CSMD1: variants seen among roughly 807,000 people sequenced by gnomAD.
CSMD1 encodes the protein CUB and Sushi multiple domains 1.
Under a neutral mutation model 417.5 loss-of-function variants are expected in CSMD1, and 213 were observed. The observed-to-expected ratio is 0.51, with a 90% CI of 0.46 to 0.57. CSMD1 has a LOEUF of 0.57. CSMD1 is among the 20% of genes least tolerant of loss of function. The probability of loss-of-function intolerance (pLI) is 0.00; values close to 1 mark genes in which losing one functional copy is unlikely to be tolerated. For synonymous variants in CSMD1, 2,862 were observed against 1,736.8 expected (o/e 1.65, Z -16.11); for missense variants, 6,923 against 4,529.7 (o/e 1.53, Z -15.17).
intron 28 of CSMD1, among the ~76,000 whole-genome samples, chr8:3,221,049 G>A (rs1798181187): frequency 7.0e-6 from 1 of 142,188 alleles, no homozygotes; most frequent in South Asian, 2.2e-4. Flanking sequence ...TGTTTGTTTT[G>A]TAATCACTAA....
chr8:3,524,733 T>C (rs1444814459), intron 10 of CSMD1, among the ~76,000 whole-genome samples: 1 of 144,794 alleles, frequency 6.9e-6, no homozygotes, highest in Non-Finnish European at 1.5e-5. Flanking sequence ...CACACACACA[T>C]GCACACCGAG....
chr8:3,771,150 C>G (rs2129058920), intron 5 of CSMD1, among the ~76,000 whole-genome samples: 1 of 152,202 alleles, frequency 6.6e-6, no homozygotes, highest in South Asian at 2.1e-4. Context: ...AACATTTCAA[C>G]ACACTGGAAT....
intron 1 of CSMD1, among the ~76,000 whole-genome samples, chr8:4,682,353 G>C (rs532454471): frequency 6.6e-6 from 1 of 152,178 alleles, no homozygotes; most frequent in Non-Finnish European, 1.5e-5. Context: ...TTTTTGATTA[G>C]TCAGAATGCT....
At chr8:3,819,033 C>T (rs890192311) in intron 5 of CSMD1, among the ~76,000 whole-genome samples, 1 of 152,118 alleles carries the variant, frequency 6.6e-6, no homozygotes, top group African/African-American at 2.4e-5. Flanking sequence ...TCCAGATTGA[C>T]GGTAAAACAT....
chr8:3,925,949 T>C (rs2627403), intron 5 of CSMD1, among the ~76,000 whole-genome samples: 116,270 of 150,416 alleles, frequency 0.77, 45,048 homozygotes, highest in Admixed American at 0.83. Flanking sequence ...CAGTAAAGGC[T>C]TTTCCTTATA....
chr8:3,395,676 T>C (rs1447096041), intron 17 of CSMD1, among the ~76,000 whole-genome samples: 1 of 152,194 alleles, frequency 6.6e-6, no homozygotes, highest in Non-Finnish European at 1.5e-5. Context: ...CTGTTAACAA[T>C]TGTTTGGAAT....
chr8:4,689,097 T>C (rs996202635), intron 1 of CSMD1, among the ~76,000 whole-genome samples: 1 of 152,198 alleles, frequency 6.6e-6, no homozygotes, highest in African/African-American at 2.4e-5. Context: ...TATTGATAAA[T>C]TTGTTCTCAA....
intron 21 of CSMD1, among the ~76,000 whole-genome samples, chr8:3,348,920 G>C (rs889726707): frequency 6.6e-6 from 1 of 152,164 alleles, no homozygotes; most frequent in Non-Finnish European, 1.5e-5. Flanking sequence ...TTTAGGTCAA[G>C]AATGCTTTCA....
intron 5 of CSMD1, among the ~76,000 whole-genome samples, chr8:3,830,865 T>C (rs1475848054): frequency 6.6e-6 from 1 of 152,194 alleles, no homozygotes; most frequent in East Asian, 1.9e-4. Flanking sequence ...CAGTTTTAAG[T>C]GTGTCTTCAT....
chr8:4,166,363 G>GT (rs1485013125), intron 3 of CSMD1, among the ~76,000 whole-genome samples: 1 of 152,148 alleles, frequency 6.6e-6, no homozygotes, highest in Non-Finnish European at 1.5e-5. Context: ...TACAGCACAT[G>GT]TTATTTGGAT....
chr8:4,747,719 T>G (rs185847221), intron 1 of CSMD1, among the ~76,000 whole-genome samples: 1 of 152,288 alleles, frequency 6.6e-6, no homozygotes, highest in Non-Finnish European at 1.5e-5. Context: ...GGTCTCTAGA[T>G]GAATGAGATG....
chr8:4,378,856 A>C (rs1275593699), intron 3 of CSMD1, among the ~76,000 whole-genome samples: 2 of 152,154 alleles, frequency 1.3e-5, no homozygotes, highest in East Asian at 3.9e-4. Flanking sequence ...ATAATCTATG[A>C]AACAGAGAGT....
At chr8:4,720,731 T>C (rs1043096580) in intron 1 of CSMD1, among the ~76,000 whole-genome samples, 3 of 152,184 alleles carry the variant, frequency 2.0e-5, no homozygotes, top group Non-Finnish European at 4.4e-5. Flanking sequence ...TAAATAATTT[T>C]CTTATTTGGA....
chr8:3,219,427 G>C lies in CSMD1; in HGVS notation c.4500C>G (p.Pro1500=), dbSNP rs1359146691. The part of the protein sequence containing the change: ...ALIFKSFNME[P]SYDFLHIYEG... ...CATAGATGTGTAGGAAGTCATAGCT[G>C]GGCTCCATGTTGAAACTAAAGAAAA... Residue 1500 remains proline, a synonymous_variant, in exon 29 of 70, where the codon CCC becomes CCG. Coordinates refer to ENST00000635120, the MANE Select transcript of CSMD1 (RefSeq NM_033225.6). 6.6e-7 allele frequency: 1 copy of C among 1,503,866 alleles called. No individual in the cohort carries two copies. Among genetic ancestry groups the C allele is most frequent in the Non-Finnish European group, 8.9e-7 (1 of 1,126,574 alleles). 93.2% of individuals were successfully genotyped at this position (1,503,866 alleles called of 1,614,324 possible).
intron 52 of CSMD1, among the ~76,000 whole-genome samples, chr8:3,017,074 A>G (rs1480557677): frequency 2.0e-5 from 3 of 152,250 alleles, no homozygotes; most frequent in African/African-American, 7.2e-5. Flanking sequence ...TAATGACCAA[A>G]AGGATGAGAT....
At chr8:3,410,297 A>G (rs1812604157) in intron 12 of CSMD1, among the ~76,000 whole-genome samples, 1 of 152,188 alleles carries the variant, frequency 6.6e-6, no homozygotes, top group Non-Finnish European at 1.5e-5. Flanking sequence ...ACTGTGTGTC[A>G]GGTCCTGTTC....
chr8:3,148,273 T>C (rs888992123), intron 40 of CSMD1, among the ~76,000 whole-genome samples: 2 of 152,238 alleles, frequency 1.3e-5, no homozygotes, highest in East Asian at 3.9e-4. Flanking sequence ...TAAGTGCAGA[T>C]GTCTGAGCTT....
At chr8:4,428,963 C>T (rs1797716317) in intron 2 of CSMD1, among the ~76,000 whole-genome samples, 1 of 152,052 alleles carries the variant, frequency 6.6e-6, no homozygotes, top group African/African-American at 2.4e-5. Flanking sequence ...ATCCACCTGC[C>T]TCATCCTCCC....
rs114333761 is a variant in CSMD1, at chr8:3,563,159, T to C, written c.1344+11786A>G. Reference sequence around the variant, plus strand: ...CCCCTATTTCATTGTCCTAATGTATTTGGCACTGTGTGACTACGTTTTATT... The same window carrying C: ...CCCCTATTTCATTGTCCTAATGTATCTGGCACTGTGTGACTACGTTTTATT... On this transcript the variant is annotated intron_variant, in intron 10 of 69. Coordinates refer to ENST00000635120, the MANE Select transcript of CSMD1 (RefSeq NM_033225.6). Among the ~76,000 whole-genome samples the C allele has an allele frequency of 5.5e-3, 838 of 152,194 alleles. 12 individuals carry two copies. Among genetic ancestry groups the C allele is most frequent in the African/African-American group, 0.018 (752 of 41,528 alleles).
Sources: gnomAD v4.1 joint callset for allele counts (sites outside exome capture counted in the v4.1 genomes callset) on GRCh38, gnomAD v4.1.1 for gene constraint, MANE v1.5 for transcripts, NCBI Gene and HGNC (gene_info 2026-07-23, HGNC 2026-07-21) for gene names.